Variants in NGLY1 observed in about 807,000 individuals in gnomAD.
NGLY1 encodes N-glycanase 1, also known as peptide-N(4)-(N-acetyl-beta-glucosaminyl)asparagine amidase.
A neutral mutation model predicts 84.6 loss-of-function variants in NGLY1; 68 were observed. The ratio of observed to expected loss-of-function variants is 0.80; its 90% CI spans 0.66 to 0.98. The LOEUF (loss-of-function observed/expected upper bound fraction) is 0.98. NGLY1 is among the 50% of genes least tolerant of loss of function. NGLY1 has a pLI of 0.00. For missense variants in NGLY1, 779 were observed against 770.2 expected (o/e 1.01, Z -0.14); for synonymous variants, 280 against 275.2 (o/e 1.02, Z -0.17).
chr3:25,719,470 C>A lies in NGLY1; in HGVS notation c.1955G>T (p.Ser652Ile). The A allele has an allele frequency of 6.2e-7, 1 of 1,613,342 alleles. No individual in the cohort carries two copies. The highest frequency in any genetic ancestry group is 2.2e-5 in the East Asian group (1 of 44,866). ...ATAATGTTCAGGTTCTCAAAGGTCACTGAATTTTATAATTATCTCCAAACA... is the reference window on the plus strand; with the variant it reads ...ATAATGTTCAGGTTCTCAAAGGTCAATGAATTTTATAATTATCTCCAAACA... ...ENCLEIIIKF[S>I]DL is the part of the protein sequence containing the mutation. The change falls in exon 12 of 12, where the codon AGT (serine) becomes ATT (isoleucine). Residue 652 changes from serine to isoleucine, a missense_variant. Transcript: ENST00000280700.
chr3:25,786,149 T>C (rs996257335), upstream of NGLY1, among the ~76,000 whole-genome samples: 1 of 152,176 alleles, frequency 6.6e-6, no homozygotes, highest in Non-Finnish European at 1.5e-5. Flanking sequence ...GTTCTTTCTT[T>C]TTTGTTTTAT....
chr3:25,737,443 A>G lies in NGLY1; in HGVS notation c.894T>C (p.Pro298=). 1 of 1,605,434 alleles carries G rather than the reference A, an allele frequency of 6.2e-7. No homozygotes were observed. Reference sequence around the variant, plus strand: ...CACATCTTGTTTCCAAAAGTTTCTCAGGGTTATTATATCTGGTTTAAAAAG... The same window carrying G: ...CACATCTTGTTTCCAAAAGTTTCTCGGGGTTATTATATCTGGTTTAAAAAG... ...FSNRFPRYNN[P]EKLLETRCGR... The change falls in exon 6 of 12, where the codon CCT becomes CCC. Residue 298 remains proline (P), a synonymous_variant. Transcript: ENST00000280700.
chr3:25,775,598 T>C (rs1298610304), intron 2 of NGLY1, among the ~76,000 whole-genome samples: 1 of 152,004 alleles, frequency 6.6e-6, no homozygotes, highest in Non-Finnish European at 1.5e-5. Context: ...ATTGATCCCA[T>C]AGAAGAAAAG....
intron 4 of NGLY1, among the ~76,000 whole-genome samples, chr3:25,748,310 A>AG (rs1706548799): frequency 6.6e-6 from 1 of 152,168 alleles, no homozygotes; most frequent in Non-Finnish European, 1.5e-5. Context: ...CAACTAAACG[A>AG]ACACCAAGCA....
rs888944783 is a variant in NGLY1 at position 25,728,014 on chromosome 3, G to A, written c.1611+1119C>T. On this transcript the variant is annotated intron_variant, in intron 10 of 11. Transcript: ENST00000280700. ...CTGTACAACTAATTACAGGTATCTC[G>A]AAATTTTAAATTTTATCTCTATTTT... Among the ~76,000 whole-genome samples the A allele has an allele frequency of 5.9e-5, 9 of 152,118 alleles. No individual in the cohort carries two copies. The South Asian group carries it at 1.0e-3, about 18-fold the overall frequency.
chr3:25,764,569 A>T (rs1707468286), intron 2 of NGLY1, among the ~76,000 whole-genome samples: 1 of 152,092 alleles, frequency 6.6e-6, no homozygotes, highest in Non-Finnish European at 1.5e-5. Context: ...GGTTCAAAGG[A>T]CTTTCAGGAA....
chr3:25,734,393 T>A (rs940178883), intron 7 of NGLY1: 2 of 152,456 alleles, frequency 1.3e-5, no homozygotes, highest in African/African-American at 4.8e-5. Context: ...TAGAATACTA[T>A]CCTTTGTTTA....
intron 2 of NGLY1, among the ~76,000 whole-genome samples, chr3:25,777,309 C>T (rs1414037692): frequency 2.0e-5 from 3 of 148,778 alleles, no homozygotes; most frequent in Non-Finnish European, 3.0e-5. Flanking sequence ...GCAGGAGAAT[C>T]GCTTGAATCC....
chr3:25,729,111 A>T, intron 10 of NGLY1, 22 bp downstream of exon 10: 1 of 1,370,202 alleles, frequency 7.3e-7, no homozygotes, highest in Non-Finnish European at 9.6e-7. Context: ...AAAGTTTTAA[A>T]TGGTTTTATG....
At chr3:25,789,677 A>G in intron 1 of NGLY1, 1 of 728,632 alleles carries the variant, frequency 1.4e-6, no homozygotes, top group East Asian at 2.8e-5. Context: ...GGTTAATTCC[A>G]CTTTACTCAC....
intron 4 of NGLY1, among the ~76,000 whole-genome samples, chr3:25,750,824 G>C (rs1448668541): frequency 2.6e-5 from 4 of 152,138 alleles, no homozygotes; most frequent in African/African-American, 4.8e-5. Flanking sequence ...CTCAGTATAT[G>C]CTGGGGATTG....
At chr3:25,750,906 T>C (rs1327421831) in intron 4 of NGLY1, among the ~76,000 whole-genome samples, 192 bp downstream of exon 4, 1 of 152,152 alleles carries the variant, frequency 6.6e-6, no homozygotes, top group Non-Finnish European at 1.5e-5. Flanking sequence ...AGAACCCATG[T>C]ATATAAAGAG....
intron 6 of NGLY1, 24 bp from the exon 7 acceptor site, chr3:25,736,173 G>A: frequency 1.9e-6 from 3 of 1,603,624 alleles, no homozygotes; most frequent in Non-Finnish European, 2.6e-6. Context: ...AGAAAAGAGA[G>A]CAATGGAAAA....
At chr3:25,748,275 G>C (rs969498540) in intron 4 of NGLY1, among the ~76,000 whole-genome samples, 4 of 152,052 alleles carry the variant, frequency 2.6e-5, no homozygotes, top group Non-Finnish European at 4.4e-5. Context: ...CACCAATAGG[G>C]CTCCAGTATA....
intron 2 of NGLY1, among the ~76,000 whole-genome samples, chr3:25,767,206 C>A (rs1427850403): frequency 6.6e-6 from 1 of 151,408 alleles, no homozygotes; most frequent in Non-Finnish European, 1.5e-5. Flanking sequence ...GCAGGAGAAT[C>A]GCTTGAACCC....
intron 2 of NGLY1, among the ~76,000 whole-genome samples, chr3:25,764,790 G>C (rs999217260): frequency 8.5e-5 from 13 of 152,186 alleles, no homozygotes; most frequent in African/African-American, 3.1e-4. Context: ...TTTGAATCTT[G>C]TTAATCTGAG....
Position 25,729,206 on chromosome 3 carries a change from G to A in NGLY1, c.1538C>T (p.Thr513Ile). Residue 513 changes from threonine to isoleucine, a missense_variant, in exon 10 of 12, where the codon ACC (threonine) becomes ATC (isoleucine). Transcript: ENST00000280700. ...RYVRVSNNNQ[T>I]ISGWENGVWK... ...CACGCCATTCTCCCATCCAGAAATG[G>A]TTTGATTGTTATTTGAAACTCGAAC... is the stretch of plus-strand genomic sequence containing the variant. 2 of 1,565,560 alleles carry A rather than the reference G, an allele frequency of 1.3e-6. No homozygotes were observed. The highest frequency in any genetic ancestry group is 2.4e-5 in the South Asian group (2 of 83,456).
At chr3:25,751,455 G>C (rs1490912001) in intron 3 of NGLY1, among the ~76,000 whole-genome samples, 192 bp from the exon 4 acceptor site, 3 of 152,248 alleles carry the variant, frequency 2.0e-5, no homozygotes, top group South Asian at 2.1e-4. Flanking sequence ...CAGAGCCTAA[G>C]ATCTATCTAT....
chr3:25,746,825 A>G (rs983080336), intron 4 of NGLY1, among the ~76,000 whole-genome samples: 5 of 152,074 alleles, frequency 3.3e-5, no homozygotes, highest in Non-Finnish European at 7.4e-5. Flanking sequence ...TTAGCAACAT[A>G]ATGGTTTTAT....
Sources: allele counts gnomAD v4.1 joint callset (sites outside exome capture counted in the v4.1 genomes callset), GRCh38; gene constraint gnomAD v4.1.1; transcripts MANE v1.5; gene names NCBI Gene and HGNC (gene_info 2026-07-23, HGNC 2026-07-21).